Variants in ADPGK observed in about 807,000 individuals in gnomAD.
The protein encoded by ADPGK is ADP-dependent glucokinase.
A neutral mutation model predicts 42.4 loss-of-function variants in ADPGK; 26 were observed. The ratio of observed to expected loss-of-function variants is 0.61; its 90% CI spans 0.45 to 0.85. The LOEUF (loss-of-function observed/expected upper bound fraction) is 0.85, where lower values mean the gene tolerates loss of function less well. ADPGK is among the 40% of genes least tolerant of loss of function. The probability of loss-of-function intolerance (pLI) is 0.00; values close to 1 mark genes in which losing one functional copy is unlikely to be tolerated. For synonymous variants in ADPGK, 267 were observed against 252.6 expected (o/e 1.06, Z -0.54); for missense variants, 571 against 627.0 (o/e 0.91, Z 0.95).
intron 4 of ADPGK, chr15:72,756,810 T>C (rs2066121172): frequency 3.9e-6 from 1 of 257,280 alleles, no homozygotes. Flanking sequence ...ACGCACGCCC[T>C]GCAGACAGTA....
At chr15:72,782,394 G>A (rs1463565157) in intron 1 of ADPGK, among the ~76,000 whole-genome samples, 2 of 151,870 alleles carry the variant, frequency 1.3e-5, no homozygotes, top group African/African-American at 4.8e-5. Flanking sequence ...GCGTGGTGGT[G>A]CTTGCCTGTC....
intron 3 of ADPGK, among the ~76,000 whole-genome samples, chr15:72,765,039 C>T (rs1461344121): frequency 1.3e-5 from 2 of 151,254 alleles, no homozygotes; most frequent in Non-Finnish European, 2.9e-5. Context: ...TGCTCATTGA[C>T]AGTATACCTA....
intron 1 of ADPGK, among the ~76,000 whole-genome samples, chr15:72,776,687 C>T (rs2066396586): frequency 1.3e-5 from 2 of 152,082 alleles, no homozygotes; most frequent in South Asian, 2.1e-4. Context: ...ATTTACATCA[C>T]TTAAGGAAGA....
chr15:72,783,349 GAC>G (rs1332590344), intron 1 of ADPGK, 108 bp downstream of exon 1: 8 of 1,291,802 alleles, frequency 6.2e-6, no homozygotes, highest in Non-Finnish European at 7.8e-6. Flanking sequence ...GGCCAGCGCG[GAC>G]AGCAGCGCCT....
intron 3 of ADPGK, among the ~76,000 whole-genome samples, chr15:72,769,659 A>C (rs886618631): frequency 1.1e-4 from 16 of 152,164 alleles, no homozygotes; most frequent in African/African-American, 3.9e-4. Flanking sequence ...TCCTCTCCTG[A>C]AATTTGGCTT....
chr15:72,760,402 C>G lies in ADPGK; in HGVS notation c.643+5G>C. ...CTTGCCACCATTACTTACTCATTTC[C>G]TTACCTGCTTGATACTCTAAAATGA... On this transcript the variant is annotated splice_donor_5th_base_variant and intron_variant, in intron 4 of 6. Coordinates refer to ENST00000456471, the MANE Select transcript of ADPGK (RefSeq NM_001365225.1). 1 of 1,590,912 alleles carries G rather than the reference C, an allele frequency of 6.3e-7. No individual in the cohort carries two copies. Among genetic ancestry groups the G allele is most frequent in the African/African-American group, 1.3e-5 (1 of 74,622 alleles).
intron 6 of ADPGK, among the ~76,000 whole-genome samples, chr15:72,753,106 A>T (rs1230892967): frequency 6.6e-6 from 1 of 152,244 alleles, no homozygotes; most frequent in Non-Finnish European, 1.5e-5. Flanking sequence ...AAGCTGCAGT[A>T]ACATTGTTTC....
chr15:72,783,315 G>A, intron 1 of ADPGK, 144 bp downstream of exon 1: 2 of 1,274,634 alleles, frequency 1.6e-6, no homozygotes, highest in Non-Finnish European at 9.9e-7. Flanking sequence ...GTTCCACTCA[G>A]ACGTCCGACA....
At chr15:72,752,965 CCAGTGACTAAATGA>C in intron 6 of ADPGK, 70 bp from the exon 7 acceptor site, 1 of 1,444,226 alleles carries the variant, frequency 6.9e-7, no homozygotes, top group South Asian at 1.4e-5. Flanking sequence ...TATGACACAG[CCAGTGACTAAATGA>C]CAGGGAACAC....
chr15:72,780,467 G>A (rs1277555652), intron 1 of ADPGK, among the ~76,000 whole-genome samples: 1 of 152,112 alleles, frequency 6.6e-6, no homozygotes, highest in East Asian at 1.9e-4. Context: ...GATTTGAGTG[G>A]GGACACAAAG....
intron 3 of ADPGK, among the ~76,000 whole-genome samples, chr15:72,768,064 C>G (rs1040602826): frequency 6.6e-6 from 1 of 151,720 alleles, no homozygotes; most frequent in Non-Finnish European, 1.5e-5. Flanking sequence ...TACAAATGAC[C>G]AATATCAGGA....
Position 72,752,483 on chromosome 15 carries a change from G to T in ADPGK, c.1352C>A (p.Pro451Gln), listed in dbSNP as rs1299778506. 1.2e-6 allele frequency: 2 copies of T among 1,614,056 alleles called. No individual in the cohort carries two copies. The highest frequency in any genetic ancestry group is 4.5e-5 in the East Asian group (2 of 44,884). ...GSRIVLNPNK[P>Q]VVEWHREGIS... The stretch of plus-strand genomic sequence containing the variant: ...TCCCTCTCTGTGCCATTCTACTACT[G>T]GCTTGTTTGGGTTTAATACAATCCT... Residue 451 changes from proline (P) to glutamine (Q), a missense_variant, in exon 7 of 7, where the codon CCA (proline) becomes CAA (glutamine). Pro to Gln is a moderately conservative substitution (Grantham distance 76). Transcript: ENST00000456471.
At chr15:72,760,117 G>A (rs1380440401) in intron 4 of ADPGK, 1 of 191,206 alleles carries the variant, frequency 5.2e-6, no homozygotes, top group Non-Finnish European at 1.1e-5. Flanking sequence ...TGTTTAACAC[G>A]TTTTCACTTT....
chr15:72,766,136 C>T (rs371775336), intron 3 of ADPGK, among the ~76,000 whole-genome samples: 101 of 152,154 alleles, frequency 6.6e-4, no homozygotes, highest in Admixed American at 1.8e-3. Flanking sequence ...TATAAGCATG[C>T]GCCACCATGC....
intron 3 of ADPGK, among the ~76,000 whole-genome samples, chr15:72,760,745 A>C (rs979790062): frequency 6.6e-6 from 1 of 152,090 alleles, no homozygotes; most frequent in Non-Finnish European, 1.5e-5. Flanking sequence ...ATGTACCCAG[A>C]ACTGAGAGGC....
chr15:72,757,968 G>A, intron 4 of ADPGK: 1 of 1,155,362 alleles, frequency 8.7e-7, no homozygotes, highest in Non-Finnish European at 1.2e-6. Flanking sequence ...GCTGCTTGCT[G>A]TTTCCACAGG....
chr15:72,754,105 A>AC (rs1235659000), intron 6 of ADPGK, among the ~76,000 whole-genome samples: 3 of 151,984 alleles, frequency 2.0e-5, no homozygotes, highest in African/African-American at 7.3e-5. Context: ...CAAAAAAAAA[A>AC]AAAACAAAAC....
chr15:72,774,173 T>C (rs1028065619), intron 2 of ADPGK, among the ~76,000 whole-genome samples: 6 of 152,140 alleles, frequency 3.9e-5, no homozygotes, highest in African/African-American at 1.4e-4. Flanking sequence ...ATAAAAGTAG[T>C]CACAAAGGTT....
In ADPGK at chr15:72,752,687, G is replaced by A. The variant is rs371767574; in HGVS notation, c.1148C>T (p.Thr383Met). The A allele has an allele frequency of 4.1e-5, 66 of 1,614,096 alleles. No homozygotes were observed. Among genetic ancestry groups the A allele is most frequent in the African/African-American group, 1.2e-4 (9 of 74,912 alleles). ...AGTTGCCAGGATGTGGTAGACCAGCGTGTGGAAATGGATCCTGGTGAGATC... is the reference window on the plus strand; with the variant it reads ...AGTTGCCAGGATGTGGTAGACCAGCATGTGGAAATGGATCCTGGTGAGATC... ...ASDLTRIHFH[T>M]LVYHILATVD... The change falls in exon 7 of 7, where the codon ACG (threonine) becomes ATG (methionine). Residue 383 changes from threonine to methionine, a missense_variant. Around this residue, in one of 2 missense-constraint regions of ADPGK, gnomAD observed 434 missense variants for 522.7 expected, o/e 0.83. Transcript: ENST00000456471.
Sources: gnomAD v4.1 joint callset for allele counts (sites outside exome capture counted in the v4.1 genomes callset) on GRCh38, gnomAD v4.1.1 for gene constraint, gnomAD v4.1.1 regional missense constraint, MANE v1.5 for transcripts, NCBI Gene and HGNC (gene_info 2026-07-23, HGNC 2026-07-21) for gene names.